The following SETD5 variants were observed in gnomAD, a reference collection of about 807,000 sequenced individuals.
SETD5 encodes the protein histone-lysine N-methyltransferase SETD5.
Under a neutral mutation model 153.3 loss-of-function variants are expected in SETD5, and 44 were observed. The observed-to-expected ratio is 0.29, with a 90% CI of 0.23 to 0.37. SETD5 has a LOEUF of 0.37. Ranked by LOEUF, SETD5 falls within the 10% of genes least tolerant of loss-of-function variation. The probability of loss-of-function intolerance (pLI) is 1.00; values close to 1 mark genes in which losing one functional copy is unlikely to be tolerated. For missense variants in SETD5, 1,544 were observed against 1,768.0 expected, an observed-to-expected ratio of 0.87 and a Z score of 2.27; for synonymous variants, 716 against 645.2, an observed-to-expected ratio of 1.11 and a Z score of -1.66.
chr3:9,437,522 C>CGTGTGTGTGTGT (rs6147703), intron 7 of SETD5, among the ~76,000 whole-genome samples: 4,371 of 145,076 alleles, frequency 0.03, 140 homozygotes, highest in Admixed American at 0.077. Flanking sequence ...TCCTCCTTTA[C>CGTGTGTGTGTGT]GTGTGTGTGT....
At chr3:9,445,541 G>C in intron 12 of SETD5, 116 bp from the exon 13 acceptor site, 1 of 957,272 alleles carries the variant, frequency 1.0e-6, no homozygotes, top group South Asian at 1.6e-5. Flanking sequence ...GGCCTCACAT[G>C]AGTTAACAGT....
intron 1 of SETD5, chr3:9,398,331 C>A (rs1026851797): frequency 1.3e-5 from 2 of 152,170 alleles, no homozygotes; most frequent in African/African-American, 4.8e-5. Flanking sequence ...TTGCTGCCCT[C>A]CGCTCGAAAT....
At chr3:9,402,377 A>G (rs2034925065) in intron 1 of SETD5, among the ~76,000 whole-genome samples, 1 of 152,188 alleles carries the variant, frequency 6.6e-6, no homozygotes, top group Non-Finnish European at 1.5e-5. Flanking sequence ...TTGTAATCGC[A>G]TCGTGCCTCA....
At chr3:9,408,246 C>T (rs956608020) in intron 1 of SETD5, among the ~76,000 whole-genome samples, 19 of 152,120 alleles carry the variant, frequency 1.2e-4, no homozygotes, top group African/African-American at 3.4e-4. Context: ...TCCTGTGCTG[C>T]GATTTATCTG....
intron 12 of SETD5, 156 bp from the exon 13 acceptor site, chr3:9,445,501 G>A: frequency 4.6e-6 from 4 of 862,922 alleles, no homozygotes. Context: ...CCAGAGAATA[G>A]GGGTTAGTTA....
At chr3:9,460,982 C>T (rs979241026) in intron 17 of SETD5, among the ~76,000 whole-genome samples, 1 of 151,920 alleles carries the variant, frequency 6.6e-6, no homozygotes, top group Non-Finnish European at 1.5e-5. Context: ...TAAATAGAAA[C>T]AAAACATATA....
intron 1 of SETD5, among the ~76,000 whole-genome samples, chr3:9,420,343 AC>A (rs1351686566): frequency 6.6e-6 from 1 of 152,158 alleles, no homozygotes; most frequent in African/African-American, 2.4e-5. Flanking sequence ...TCTCTATAAT[AC>A]GCACTAATTA....
intron 1 of SETD5, among the ~76,000 whole-genome samples, chr3:9,407,164 C>T (rs1157971132): frequency 1.3e-5 from 2 of 152,028 alleles, no homozygotes; most frequent in Non-Finnish European, 2.9e-5. Context: ...GCCATTTCTA[C>T]TAAAAATACA....
At chr3:9,417,717 C>G (rs1249483362) in intron 1 of SETD5, among the ~76,000 whole-genome samples, 1 of 151,712 alleles carries the variant, frequency 6.6e-6, no homozygotes, top group African/African-American at 2.4e-5. Flanking sequence ...GATCTCCTGA[C>G]CTCGTGATCC....
intron 17 of SETD5, among the ~76,000 whole-genome samples, chr3:9,458,862 A>G (rs1383197258): frequency 6.6e-6 from 1 of 152,190 alleles, no homozygotes; most frequent in Non-Finnish European, 1.5e-5. Context: ...CAAAATTTAT[A>G]TATAAGGTTG....
chr3:9,435,894 G>T lies in SETD5; in HGVS notation c.555G>T (p.Thr185=). The T allele has an allele frequency of 6.3e-7, 1 of 1,583,410 alleles. No individual in the cohort carries two copies. The highest frequency in any genetic ancestry group is 2.3e-5 in the East Asian group (1 of 43,528). ...SPEKGRAAPK[T]KKIKNSPSEA... ...AAAAGGGTCGTGCAGCACCAAAGACGAAGAAAATCAAGGTATGCAGGGTAA... is the reference window on the plus strand; with the variant it reads ...AAAAGGGTCGTGCAGCACCAAAGACTAAGAAAATCAAGGTATGCAGGGTAA... Residue 185 remains threonine (T), a synonymous_variant, in exon 7 of 23, where the codon ACG becomes ACT. Coordinates refer to ENST00000402198, the MANE Select transcript of SETD5 (RefSeq NM_001080517.3).
At chr3:9,407,845 A>G (rs1342557710) in intron 1 of SETD5, among the ~76,000 whole-genome samples, 1 of 152,108 alleles carries the variant, frequency 6.6e-6, no homozygotes, top group Non-Finnish European at 1.5e-5. Flanking sequence ...TACTGAAAAT[A>G]GAAAATTAGC....
chr3:9,464,543 T>A lies in SETD5; in HGVS notation c.2595T>A (p.Ser865Arg). The change falls in exon 18 of 23, where the codon AGT (serine) becomes AGA (arginine). Residue 865 changes from serine (S) to arginine (R), a missense_variant. Physicochemically the swap from Ser to Arg is moderately radical, Grantham distance 110. Transcript: ENST00000402198. The stretch of plus-strand genomic sequence containing the variant: ...CCCCTCCCAATTCAGGCTCAAAGAG[T>A]CCCCAGCTGGCCACACCTGGCTCAT... ...TPPPPNSGSKSPQLATPGSSH... is the reference protein window; with the variant it reads ...TPPPPNSGSKRPQLATPGSSH... The A allele has an allele frequency of 6.2e-7, 1 of 1,613,592 alleles. No homozygotes were observed. The highest frequency in any genetic ancestry group is 2.2e-5 in the East Asian group (1 of 44,854).
chr3:9,427,510 A>G (rs2039434733), intron 2 of SETD5, among the ~76,000 whole-genome samples: 1 of 152,248 alleles, frequency 6.6e-6, no homozygotes, highest in South Asian at 2.1e-4. Flanking sequence ...AGATTGCGCC[A>G]TTACACTTCA....
chr3:9,465,727 A>AG (rs888190212), intron 18 of SETD5, among the ~76,000 whole-genome samples: 73 of 152,312 alleles, frequency 4.8e-4, no homozygotes, highest in African/African-American at 1.7e-3. Flanking sequence ...TTTCTGGGTG[A>AG]GGGAAAAAAC....
At position 9,471,993 on chromosome 3, in the gene SETD5, A is replaced by G. The variant is rs1381568917; in HGVS notation, c.3195+1064A>G. Among the ~76,000 whole-genome samples, 3 of 152,352 alleles carry G rather than the reference A, an allele frequency of 2.0e-5. No homozygotes were observed. In the South Asian group the frequency reaches 6.2e-4, roughly 32 times the overall value. On this transcript the variant is annotated intron_variant, in intron 19 of 22. Transcript: ENST00000402198. The stretch of plus-strand genomic sequence containing the variant: ...ATATTTTTGTTCCATTTGGACAGAA[A>G]AATGAGAACCCTAAGGGGATAGAAG...
At position 9,453,877 on chromosome 3, in the gene SETD5, C is replaced by A. The variant is rs2042916343; in HGVS notation, c.2476+9C>A. The A allele has an allele frequency of 3.2e-6, 5 of 1,543,496 alleles. No homozygotes were observed. Among genetic ancestry groups the A allele is most frequent in the African/African-American group, 2.8e-5 (2 of 71,612 alleles). On this transcript the variant is annotated intron_variant, in intron 17 of 22. Transcript: ENST00000402198. ...CTGCAAAGACAATGCAGGTACGTAT[C>A]TAAAACCTTTCTGATTATATGACCA...
chr3:9,470,850 G>T lies in SETD5; in HGVS notation c.3116G>T (p.Arg1039Leu), dbSNP rs201568605. 2 of 1,611,740 alleles carry T rather than the reference G, an allele frequency of 1.2e-6. No individual in the cohort carries two copies. Among genetic ancestry groups the T allele is most frequent in the South Asian group, 2.2e-5 (2 of 90,628 alleles). The change falls in exon 19 of 23, where the codon CGT becomes CTT. Residue 1039 changes from arginine to leucine, a missense_variant. Around this residue, in one of 9 missense-constraint regions of SETD5, gnomAD observed 782 missense variants for 787.2 expected, o/e 0.99. Transcript: ENST00000402198. ...CATGGCTTAATGAAAGACCTCTCTC[G>T]TGGATCCTTGTCACCTGGTGGTGAA... ...YEHGLMKDLS[R>L]GSLSPGGERA...
intron 7 of SETD5, among the ~76,000 whole-genome samples, chr3:9,436,568 CTTAG>C (rs1463339607): frequency 6.6e-6 from 1 of 152,070 alleles, no homozygotes; most frequent in Non-Finnish European, 1.5e-5. Flanking sequence ...TACTTTTTCT[CTTAG>C]TATCAGAGGT....
Sources: gnomAD v4.1 joint callset for allele counts (sites outside exome capture counted in the v4.1 genomes callset) on GRCh38, gnomAD v4.1.1 for gene constraint, gnomAD v4.1.1 regional missense constraint, MANE v1.5 for transcripts, NCBI Gene and HGNC (gene_info 2026-07-23, HGNC 2026-07-21) for gene names.